Variants in PPP2R2B observed in about 807,000 individuals in gnomAD.
The protein encoded by PPP2R2B is serine/threonine-protein phosphatase 2A 55 kDa regulatory subunit B beta isoform.
In PPP2R2B, 5 loss-of-function variants were observed where a neutral mutation model predicts 46.0. The observed-to-expected ratio is 0.11, with a 90% CI of 0.06 to 0.23. The LOEUF (loss-of-function observed/expected upper bound fraction) is 0.23. Ranked by LOEUF, PPP2R2B falls within the 10% of genes least tolerant of loss-of-function variation. PPP2R2B has a pLI of 1.00. For synonymous variants in PPP2R2B, 215 were observed against 206.7 expected, an observed-to-expected ratio of 1.04 and a Z score of -0.34; for missense variants, 367 against 575.0, an observed-to-expected ratio of 0.64 and a Z score of 3.70.
intron 1 of PPP2R2B, among the ~76,000 whole-genome samples, chr5:146,940,631 C>T (rs181392853): frequency 6.6e-6 from 1 of 152,166 alleles, no homozygotes; most frequent in South Asian, 2.1e-4. Context: ...GATTTCCCAA[C>T]AAAATCCCTT....
At position 146,589,545 on chromosome 5, in the gene PPP2R2B, T is replaced by TTCAA. The variant is rs143114732; in HGVS notation, c.*398_*401dup. 1,276 of 161,552 alleles carry TTCAA rather than the reference T, an allele frequency of 7.9e-3. 22 individuals are homozygous for TTCAA. The highest frequency in any genetic ancestry group is 0.029 in the African/African-American group (1,207 of 41,764). The allele number at this position is 161,552 out of a possible 1,614,324, so 10.0% of individuals were successfully genotyped here. A position where few individuals can be genotyped will look rare whatever the true frequency, so the allele number is the denominator to read the frequency against. On this transcript the variant is annotated 3_prime_UTR_variant, in exon 10 of 10. Transcript: ENST00000394411. ...CGGTGTTTATTTTTTGTTGATTTTT[T>TTCAA]TCAATCAAATGGAATTGCTTAATTA...
intron 2 of PPP2R2B, among the ~76,000 whole-genome samples, chr5:146,767,965 A>G (rs527931047): frequency 2.0e-5 from 3 of 152,250 alleles, no homozygotes; most frequent in Admixed American, 2.0e-4. Context: ...AGAGCCATAT[A>G]TTTTTTAAAA....
intron 2 of PPP2R2B, among the ~76,000 whole-genome samples, chr5:146,860,398 G>C (rs1053609176): frequency 6.6e-6 from 1 of 152,148 alleles, no homozygotes; most frequent in Admixed American, 6.5e-5. Context: ...AGATTGCTTA[G>C]ATCATGAAAC....
chr5:147,021,064 T>C (rs539225746), intron 1 of PPP2R2B, among the ~76,000 whole-genome samples: 33 of 152,286 alleles, frequency 2.2e-4, no homozygotes, highest in African/African-American at 7.9e-4. Context: ...CTTTTGTTTC[T>C]GATCATGGTG....
intron 2 of PPP2R2B, among the ~76,000 whole-genome samples, chr5:146,829,949 T>C (rs1279282985): frequency 6.6e-6 from 1 of 152,216 alleles, no homozygotes; most frequent in African/African-American, 2.4e-5. Flanking sequence ...GCTTTTGAAG[T>C]TGGTAAGCCT....
intron 2 of PPP2R2B, among the ~76,000 whole-genome samples, chr5:146,829,513 A>T (rs186410024): frequency 1.1e-3 from 163 of 152,312 alleles, no homozygotes; most frequent in African/African-American, 3.7e-3. Flanking sequence ...TAAAGGCAAG[A>T]GGCACAGATA....
At chr5:146,874,051 A>T (rs1019259744) in intron 2 of PPP2R2B, among the ~76,000 whole-genome samples, 36 of 152,172 alleles carry the variant, frequency 2.4e-4, no homozygotes, top group African/African-American at 7.7e-4. Context: ...TTTAGTTCTC[A>T]GTTTCAGCTG....
Position 146,878,444 on chromosome 5 carries a change from G to A in PPP2R2B, c.-125+147C>T, listed in dbSNP as rs1457965216. On this transcript the variant is annotated intron_variant, in intron 1 of 9. Transcript: ENST00000394411. This position sits in a 1 kb window ranked among gnomAD's most constrained non-coding sequence, Gnocchi z 4.5. ...CGCTCACAAGCGGGTCTGGGGAGAT[G>A]CCCAACAGGTTCCCCTCCTTGGCAG... 3 of 1,365,846 alleles carry A rather than the reference G, an allele frequency of 2.2e-6. No homozygotes were observed. The African/African-American group carries it at 4.5e-5, about 20-fold the overall frequency. The allele number at this position is 1,365,846 out of a possible 1,614,324, so 84.6% of individuals were successfully genotyped here.
chr5:146,911,088 C>CTTTT (rs1554075565), intron 1 of PPP2R2B, among the ~76,000 whole-genome samples: 1 of 142,170 alleles, frequency 7.0e-6, no homozygotes, highest in Non-Finnish European at 1.5e-5. Context: ...TAGACACTTT[C>CTTTT]TTTTTTTTTT....
At chr5:147,046,876 C>T (rs1756568651) in intron 1 of PPP2R2B, among the ~76,000 whole-genome samples, 1 of 152,064 alleles carries the variant, frequency 6.6e-6, no homozygotes. Context: ...TGCTAAGTTC[C>T]TTATGGATTA....
intron 2 of PPP2R2B, chr5:146,706,513 G>A (rs1779864214): frequency 5.1e-6 from 6 of 1,181,498 alleles, no homozygotes; most frequent in Non-Finnish European, 4.9e-6. Flanking sequence ...TGGTAGGCAC[G>A]CAGCTGCCGC....
chr5:146,695,477 T>C (rs1380698522), intron 4 of PPP2R2B, among the ~76,000 whole-genome samples: 1 of 152,210 alleles, frequency 6.6e-6, no homozygotes, highest in Non-Finnish European at 1.5e-5. Flanking sequence ...AATTGTAAGT[T>C]TGAAAATATA....
chr5:146,768,595 T>C (rs772013649), intron 2 of PPP2R2B, among the ~76,000 whole-genome samples: 70 of 152,216 alleles, frequency 4.6e-4, no homozygotes, highest in Non-Finnish European at 7.2e-4. Flanking sequence ...CTCTTTAGAA[T>C]ATAAACTGGC....
chr5:146,627,976 G>A (rs978234460), intron 7 of PPP2R2B, among the ~76,000 whole-genome samples: 2 of 150,820 alleles, frequency 1.3e-5, no homozygotes, highest in Admixed American at 6.6e-5. Flanking sequence ...ATGGAGTCTC[G>A]CTCTATTGCC....
chr5:146,597,506 C>A (rs918426430), intron 8 of PPP2R2B, among the ~76,000 whole-genome samples: 3 of 152,144 alleles, frequency 2.0e-5, no homozygotes, highest in Non-Finnish European at 4.4e-5. Context: ...AACAAGCTTG[C>A]CTTTCTTGCT....
chr5:146,961,024 T>C (rs1752145911), intron 1 of PPP2R2B, among the ~76,000 whole-genome samples: 1 of 152,250 alleles, frequency 6.6e-6, no homozygotes, highest in African/African-American at 2.4e-5. Context: ...CCCCAGCTTT[T>C]ATCCTCTTAT....
intron 1 of PPP2R2B, among the ~76,000 whole-genome samples, chr5:147,040,477 G>C (rs1413782227): frequency 6.6e-6 from 1 of 152,152 alleles, no homozygotes; most frequent in African/African-American, 2.4e-5. Flanking sequence ...GCCCAGGTCA[G>C]TTAGACAGGG....
intron 2 of PPP2R2B, among the ~76,000 whole-genome samples, chr5:146,737,620 T>C (rs1346392265): frequency 1.3e-5 from 2 of 152,194 alleles, no homozygotes; most frequent in African/African-American, 2.4e-5. Flanking sequence ...ATTAGTAATA[T>C]ACTAATTTGC....
intron 2 of PPP2R2B, among the ~76,000 whole-genome samples, chr5:146,783,108 A>T (rs559494842): frequency 2.0e-5 from 3 of 152,346 alleles, no homozygotes; most frequent in South Asian, 4.1e-4. Context: ...AGAATAAAGG[A>T]TAGGTTAAAC....
Sources: gnomAD v4.1 joint callset for allele counts (sites outside exome capture counted in the v4.1 genomes callset) on GRCh38, gnomAD v4.1.1 for gene constraint, Gnocchi (gnomAD v3.1) non-coding constraint, MANE v1.5 for transcripts, NCBI Gene and HGNC (gene_info 2026-07-23, HGNC 2026-07-21) for gene names.